Variants in TRIP11 observed in about 807,000 individuals in gnomAD.
The protein encoded by TRIP11 is thyroid hormone receptor interactor 11, also known as thyroid receptor-interacting protein 11.
Under a neutral mutation model 223.1 loss-of-function variants are expected in TRIP11, and 148 were observed. That is an observed-to-expected ratio of 0.66 (90% CI 0.58 to 0.76). The LOEUF (loss-of-function observed/expected upper bound fraction) is 0.76. Ranked by LOEUF, TRIP11 falls within the 30% of genes least tolerant of loss-of-function variation. The pLI is 0.00. For synonymous variants in TRIP11, 762 were observed against 772.6 expected (o/e 0.99, Z 0.23); for missense variants, 2,043 against 2,222.0 (o/e 0.92, Z 1.62).
intron 9 of TRIP11, among the ~76,000 whole-genome samples, chr14:92,009,233 T>C (rs2056942213): frequency 6.6e-6 from 1 of 152,214 alleles, no homozygotes; most frequent in Non-Finnish European, 1.5e-5. Flanking sequence ...GGTGTCTCAC[T>C]ATGTTGCCCA....
In TRIP11 at chr14:92,033,209, C is replaced by A. The variant is rs1361552726; in HGVS notation, c.184G>T (p.Ala62Ser). The A allele has an allele frequency of 9.3e-6, 15 of 1,613,110 alleles. No individual in the cohort carries two copies. The highest frequency in any genetic ancestry group is 1.3e-5 in the Non-Finnish European group (15 of 1,179,448). ...TTTCTTACCTCTGATCTCAAGATTG[C>A]ATGAATGGCTTCAATTTCCTTTGTC... The part of the protein sequence containing the change: ...SRTKEIEAIH[A>S]ILRSENERLK... The change falls in exon 2 of 21, where the codon GCA becomes TCA. Residue 62 changes from alanine (A) to serine (S), a missense_variant. Physicochemically the swap from Ala to Ser is moderately conservative, Grantham distance 99. Coordinates refer to ENST00000267622, the MANE Select transcript of TRIP11 (RefSeq NM_004239.4).
At chr14:92,032,815 AGAGT>A (rs1213842733) in intron 2 of TRIP11, among the ~76,000 whole-genome samples, 1 of 150,916 alleles carries the variant, frequency 6.6e-6, no homozygotes, top group African/African-American at 2.4e-5. Flanking sequence ...CCTGGGTGAC[AGAGT>A]GAGACCCCGT....
intron 2 of TRIP11, among the ~76,000 whole-genome samples, chr14:92,030,196 TCC>T (rs2057246311): frequency 1.2e-5 from 1 of 80,122 alleles, no homozygotes. Context: ...AGAGCGAGAC[TCC>T]GTCTCAAAAA....
Position 92,037,656 on chromosome 14 carries a change from C to G in TRIP11, c.139+1891G>C, listed in dbSNP as rs2057337903. On this transcript the variant is annotated intron_variant, in intron 1 of 20. Transcript: ENST00000267622. The surrounding 1 kb of genome is among the most constrained non-coding windows in gnomAD (Gnocchi z 4.2). ...TGGGAGGCCAAGGCAGGAGGATCAC[C>G]TGCGGTCTCAGGAGTTCGAGATCAG... Among the ~76,000 whole-genome samples, 1 of 152,122 alleles carries G rather than the reference C, an allele frequency of 6.6e-6. No homozygotes were observed. The highest frequency in any genetic ancestry group is 2.1e-4 in the South Asian group (1 of 4,826).
chr14:92,003,292 C>T (rs2056851142), intron 11 of TRIP11, 127 bp downstream of exon 11: 1 of 1,332,620 alleles, frequency 7.5e-7, no homozygotes, highest in Non-Finnish European at 1.0e-6. Context: ...ATGAATCACA[C>T]CTTGAAATAA....
intron 4 of TRIP11, among the ~76,000 whole-genome samples, chr14:92,019,659 T>C (rs1036247542): frequency 6.6e-6 from 1 of 152,210 alleles, no homozygotes; most frequent in Non-Finnish European, 1.5e-5. Flanking sequence ...GTGTTCCAGT[T>C]TACTCCAGGT....
chr14:92,017,125 T>C (rs2057044174), intron 5 of TRIP11, among the ~76,000 whole-genome samples: 1 of 152,162 alleles, frequency 6.6e-6, no homozygotes, highest in African/African-American at 2.4e-5. Flanking sequence ...TTTTACAAGA[T>C]ACAATAGAGT....
rs548582691 is a variant in TRIP11 at position 91,977,464 on chromosome 14, A to C, written c.5261-1275T>G. 7.9e-5 allele frequency among the ~76,000 whole-genome samples: 12 copies of C among 152,250 alleles called. No homozygotes were observed. The East Asian group carries it at 2.3e-3, about 29-fold the overall frequency. ...GGGGTCCAACTTCATTCTTTTGCACATGGATATCCACTTGTTCCAGCATTA... is the reference window on the plus strand; with the variant it reads ...GGGGTCCAACTTCATTCTTTTGCACCTGGATATCCACTTGTTCCAGCATTA... On this transcript the variant is annotated intron_variant, in intron 16 of 20. Transcript: ENST00000267622.
intron 4 of TRIP11, among the ~76,000 whole-genome samples, chr14:92,018,979 CA>C (rs1282016494): frequency 9.9e-5 from 9 of 90,612 alleles, no homozygotes; most frequent in African/African-American, 1.7e-4. Context: ...AAAAAAAAAA[CA>C]AAAAAAAAAC....
intron 15 of TRIP11, among the ~76,000 whole-genome samples, chr14:91,992,896 G>A (rs1469651779): frequency 4.6e-5 from 5 of 107,724 alleles, no homozygotes; most frequent in East Asian, 3.0e-4. Flanking sequence ...GCAACAGAGC[G>A]AGACTCCGTC....
At chr14:91,974,875 C>A in intron 18 of TRIP11, 132 bp from the exon 19 acceptor site, 1 of 769,436 alleles carries the variant, frequency 1.3e-6, no homozygotes, top group Non-Finnish European at 2.2e-6. Context: ...ATGTTTCCTA[C>A]TGATAGAGTC....
rs146746460 is a variant in TRIP11 at position 92,005,700 on chromosome 14, A to T, written c.2276T>A (p.Leu759Gln). ...GAGTTTAATTAAATGCTCATGTTCC[A>T]GCTGTAAGGCAGAGGTATTCAAATT... ...ARNLNTSALQ[L>Q]EHEHLIKLNQ... The change falls in exon 11 of 21, where the codon CTG (leucine) becomes CAG (glutamine). Residue 759 changes from leucine to glutamine, a missense_variant. Transcript: ENST00000267622. 31 of 1,613,804 alleles carry T rather than the reference A, an allele frequency of 1.9e-5. No individual in the cohort carries two copies. The highest frequency in any genetic ancestry group is 2.5e-5 in the Non-Finnish European group (30 of 1,180,024).
At chr14:92,028,725 G>C (rs757631744) in intron 2 of TRIP11, among the ~76,000 whole-genome samples, 5 of 152,114 alleles carry the variant, frequency 3.3e-5, no homozygotes, top group Admixed American at 6.6e-5. Flanking sequence ...AAGAAGAAAA[G>C]AGAGTACAAA....
chr14:92,012,784 T>C (rs76820836), intron 7 of TRIP11, among the ~76,000 whole-genome samples: 4,753 of 152,180 alleles, frequency 0.031, 253 homozygotes, highest in African/African-American at 0.11. Context: ...ACTGAAGAGA[T>C]AGGCAGGAAC....
chr14:91,971,617 A>G (rs2056401503), intron 20 of TRIP11, among the ~76,000 whole-genome samples: 1 of 152,094 alleles, frequency 6.6e-6, no homozygotes, highest in Non-Finnish European at 1.5e-5. Flanking sequence ...GTGGGAAAAG[A>G]AGGGGAAGGG....
chr14:92,039,701 G>T lies in TRIP11; in HGVS notation c.-16C>A. The T allele has an allele frequency of 1.2e-6, 2 of 1,609,016 alleles. No homozygotes were observed. On this transcript the variant is annotated 5_prime_UTR_variant, in exon 1 of 21. Coordinates refer to ENST00000267622, the MANE Select transcript of TRIP11 (RefSeq NM_004239.4). ...AGGACGACATCGCGGCGAGTTTAGA[G>T]AACGACCCGGTCCGCTCGGAAAAAA...
At chr14:92,009,409 T>C (rs1159017910) in intron 9 of TRIP11, among the ~76,000 whole-genome samples, 1 of 151,630 alleles carries the variant, frequency 6.6e-6, no homozygotes, top group Non-Finnish European at 1.5e-5. Context: ...TACTTTAACA[T>C]CAAAAGAAAG....
chr14:91,993,632 T>C (rs1312799147), intron 15 of TRIP11, among the ~76,000 whole-genome samples, 177 bp downstream of exon 15: 1 of 152,158 alleles, frequency 6.6e-6, no homozygotes, highest in African/African-American at 2.4e-5. Flanking sequence ...CTCTAAACTA[T>C]GACACCTTAG....
chr14:92,027,742 C>G (rs2057208028), intron 2 of TRIP11, among the ~76,000 whole-genome samples: 1 of 152,206 alleles, frequency 6.6e-6, no homozygotes, highest in Admixed American at 6.5e-5. Context: ...AAAGAAAGCT[C>G]TTGCTAAAAG....
Sources: gnomAD v4.1 joint callset for allele counts (sites outside exome capture counted in the v4.1 genomes callset) on GRCh38, gnomAD v4.1.1 for gene constraint, Gnocchi (gnomAD v3.1) non-coding constraint, MANE v1.5 for transcripts, NCBI Gene and HGNC (gene_info 2026-07-23, HGNC 2026-07-21) for gene names.